The following SDHAF3 variants were observed in gnomAD, a reference collection of about 807,000 sequenced individuals.
SDHAF3 encodes the protein succinate dehydrogenase complex assembly factor 3, also known as succinate dehydrogenase assembly factor 3, mitochondrial.
SDHAF3 carries 18 observed loss-of-function variants against 11.5 expected under a neutral mutation model. The ratio of observed to expected loss-of-function variants is 1.56; its 90% CI spans 1.08 to 2.32. SDHAF3 has a LOEUF of 2.32. Among genes scored for constraint, SDHAF3 ranks in the 30% most tolerant of loss-of-function variants. SDHAF3 has a pLI of 0.00. For missense variants in SDHAF3, 200 were observed against 154.4 expected, an observed-to-expected ratio of 1.30 and a Z score of -1.57; for synonymous variants, 72 against 59.3, an observed-to-expected ratio of 1.21 and a Z score of -0.99.
At chr7:97,130,767 C>CAAGAGGGA (rs1441880114) in intron 1 of SDHAF3, among the ~76,000 whole-genome samples, 3 of 152,174 alleles carry the variant, frequency 2.0e-5, no homozygotes. Flanking sequence ...AGTCTCCACA[C>CAAGAGGGA]AAGAGGGGAC....
intron 1 of SDHAF3, among the ~76,000 whole-genome samples, chr7:97,178,522 T>TA (rs1159235780): frequency 6.6e-6 from 1 of 152,182 alleles, no homozygotes; most frequent in Non-Finnish European, 1.5e-5. Flanking sequence ...TTCCAACTGT[T>TA]ATTTTTCTGG....
intron 1 of SDHAF3, among the ~76,000 whole-genome samples, chr7:97,168,138 A>T (rs1789542884): frequency 6.6e-6 from 1 of 152,132 alleles, no homozygotes; most frequent in Non-Finnish European, 1.5e-5. Flanking sequence ...TTTTTGCCTA[A>T]TGAATTCTGC....
chr7:97,153,359 T>G (rs1789254472), intron 1 of SDHAF3, among the ~76,000 whole-genome samples: 1 of 152,224 alleles, frequency 6.6e-6, no homozygotes, highest in African/African-American at 2.4e-5. Context: ...CGTTTAAGTT[T>G]CCTATGTGTC....
chr7:97,124,368 C>T (rs1046037489), intron 1 of SDHAF3, among the ~76,000 whole-genome samples: 2 of 152,084 alleles, frequency 1.3e-5, no homozygotes, highest in Admixed American at 6.5e-5. Flanking sequence ...GTTTTGGTGC[C>T]AGTATCATGC....
chr7:97,164,829 T>C (rs1789476093), intron 1 of SDHAF3, among the ~76,000 whole-genome samples: 2 of 152,280 alleles, frequency 1.3e-5, no homozygotes, highest in Middle Eastern at 3.4e-3. Flanking sequence ...ACTAACATAA[T>C]TTCCATAATT....
At chr7:97,124,325 G>A (rs1348732253) in intron 1 of SDHAF3, among the ~76,000 whole-genome samples, 1 of 152,100 alleles carries the variant, frequency 6.6e-6, no homozygotes, top group Non-Finnish European at 1.5e-5. Context: ...TTATTTCTGA[G>A]GCCTCTGTTT....
At chr7:97,157,349 A>G (rs1789319133) in intron 1 of SDHAF3, among the ~76,000 whole-genome samples, 1 of 152,202 alleles carries the variant, frequency 6.6e-6, no homozygotes, top group South Asian at 2.1e-4. Flanking sequence ...GTATATTGGA[A>G]TTCCAACCTT....
chr7:97,140,024 T>C (rs900926843), intron 1 of SDHAF3, among the ~76,000 whole-genome samples: 3 of 152,220 alleles, frequency 2.0e-5, no homozygotes, highest in Non-Finnish European at 4.4e-5. Context: ...GACCTCTCTT[T>C]AACGTGACAT....
At chr7:97,173,474 A>G (rs867121274) in intron 1 of SDHAF3, among the ~76,000 whole-genome samples, 5 of 151,066 alleles carry the variant, frequency 3.3e-5, no homozygotes, top group Middle Eastern at 3.4e-3. Flanking sequence ...CAAACATAAA[A>G]TTTTTCTTAG....
chr7:97,140,343 A>ATTTTTTTT (rs67929691), intron 1 of SDHAF3, among the ~76,000 whole-genome samples: 11 of 112,448 alleles, frequency 9.8e-5, no homozygotes, highest in Admixed American at 1.1e-4. Context: ...TTTTGGTAGT[A>ATTTTTTTT]TTTTTTTTTT....
At chr7:97,175,385 A>G (rs1241203463) in intron 1 of SDHAF3, among the ~76,000 whole-genome samples, 1 of 152,096 alleles carries the variant, frequency 6.6e-6, no homozygotes, top group Admixed American at 6.6e-5. Context: ...ATTAAGCCCA[A>G]TATCCAATAG....
At chr7:97,166,350 G>A (rs962971158) in intron 1 of SDHAF3, among the ~76,000 whole-genome samples, 11 of 152,160 alleles carry the variant, frequency 7.2e-5, no homozygotes, top group African/African-American at 2.4e-4. Flanking sequence ...TGGAAAGCGG[G>A]AAGAACTCAA....
At chr7:97,132,658 A>G (rs1791688313) in intron 1 of SDHAF3, among the ~76,000 whole-genome samples, 1 of 152,176 alleles carries the variant, frequency 6.6e-6, no homozygotes, top group African/African-American at 2.4e-5. Context: ...TATGTTTTAT[A>G]GAAGGTGAAT....
At chr7:97,123,117 G>A (rs1269103408) in intron 1 of SDHAF3, among the ~76,000 whole-genome samples, 1 of 152,026 alleles carries the variant, frequency 6.6e-6, no homozygotes, top group East Asian at 1.9e-4. Context: ...CATGCATTTG[G>A]TATTTGTCCT....
intron 1 of SDHAF3, among the ~76,000 whole-genome samples, chr7:97,160,622 AAAAG>A (rs1172614009): frequency 1.3e-5 from 2 of 152,198 alleles, no homozygotes; most frequent in Non-Finnish European, 2.9e-5. Flanking sequence ...CAAAAGAAAA[AAAAG>A]AATAGGCCAA....
At chr7:97,140,787 T>C (rs535089119) in intron 1 of SDHAF3, among the ~76,000 whole-genome samples, 1 of 152,210 alleles carries the variant, frequency 6.6e-6, no homozygotes, top group Non-Finnish European at 1.5e-5. Context: ...TTGCGTTAAC[T>C]GCACAAATTG....
chr7:97,180,179 CTT>C (rs879895502), intron 1 of SDHAF3, among the ~76,000 whole-genome samples: 1 of 152,120 alleles, frequency 6.6e-6, no homozygotes, highest in Admixed American at 6.5e-5. Context: ...ACATTGAAGA[CTT>C]AAAGGTTTAA....
intron 1 of SDHAF3, among the ~76,000 whole-genome samples, chr7:97,170,703 C>G (rs565066994): frequency 6.6e-6 from 1 of 152,122 alleles, no homozygotes; most frequent in African/African-American, 2.4e-5. Flanking sequence ...ACAACTAACA[C>G]CTTTTTTTGC....
intron 1 of SDHAF3, among the ~76,000 whole-genome samples, chr7:97,175,956 T>G (rs1789673275): frequency 6.6e-6 from 1 of 152,180 alleles, no homozygotes; most frequent in African/African-American, 2.4e-5. Context: ...ATCTTTCAGC[T>G]TCTGGTGGAT....
Sources: allele counts gnomAD v4.1 joint callset (sites outside exome capture counted in the v4.1 genomes callset), GRCh38; gene constraint gnomAD v4.1.1; transcripts MANE v1.5; gene names NCBI Gene and HGNC (gene_info 2026-07-23, HGNC 2026-07-21).